The following ENTREP2 variants were observed in gnomAD, a reference collection of about 807,000 sequenced individuals.
ENTREP2 encodes endosomal transmembrane epsin interactor 2.
chr15:29,234,184 A>G, the ENTREP2 span: 3 of 1,603,050 alleles, frequency 1.9e-6, no homozygotes, highest in Non-Finnish European at 2.6e-6. Flanking sequence ...TGGGTCCAGT[A>G]TCTGACCAAT....
chr15:29,450,445 A>G, the ENTREP2 span, among the ~76,000 whole-genome samples: 2 of 152,150 alleles, frequency 1.3e-5, no homozygotes, highest in Non-Finnish European at 2.9e-5. Flanking sequence ...TCTTCTGCCT[A>G]TGGTTAGCCA....
At chr15:29,373,272 A>G in the ENTREP2 span, among the ~76,000 whole-genome samples, 1 of 152,160 alleles carries the variant, frequency 6.6e-6, no homozygotes, top group Non-Finnish European at 1.5e-5. Flanking sequence ...ACTAGAAGGT[A>G]AGAAAATGAC....
chr15:29,452,325 C>A, the ENTREP2 span, among the ~76,000 whole-genome samples: 1 of 152,136 alleles, frequency 6.6e-6, no homozygotes, highest in African/African-American at 2.4e-5. Flanking sequence ...CCTGAGAGAG[C>A]AGGGATTTGG....
chr15:29,630,797 C>T, the ENTREP2 span, among the ~76,000 whole-genome samples: 11 of 152,194 alleles, frequency 7.2e-5, no homozygotes, highest in African/African-American at 2.7e-4. Context: ...AAGTGATTCT[C>T]CTGCCTCAGC....
the ENTREP2 span, among the ~76,000 whole-genome samples, chr15:29,377,865 A>AATAATAATAATAAT: frequency 4.0e-3 from 220 of 55,596 alleles, no homozygotes; most frequent in Middle Eastern, 0.014. Flanking sequence ...ATAATAATAA[A>AATAATAATAATAAT]AAAATGAGCC....
chr15:29,130,571 A>G, the ENTREP2 span, among the ~76,000 whole-genome samples: 1 of 152,188 alleles, frequency 6.6e-6, no homozygotes, highest in Non-Finnish European at 1.5e-5. Context: ...AAATAAAACA[A>G]GAGAAAGAAA....
the ENTREP2 span, among the ~76,000 whole-genome samples, chr15:29,199,174 T>G: frequency 6.6e-6 from 1 of 152,204 alleles, no homozygotes; most frequent in Non-Finnish European, 1.5e-5. Flanking sequence ...CAAAGCCACT[T>G]TCCAAAGTGG....
chr15:29,565,238 C>T, the ENTREP2 span, among the ~76,000 whole-genome samples: 1 of 152,278 alleles, frequency 6.6e-6, no homozygotes, highest in South Asian at 2.1e-4. Context: ...GCTAATATCC[C>T]ACGCTGCAAG....
chr15:29,588,538 GAAAGAA>G, the ENTREP2 span, among the ~76,000 whole-genome samples: 2 of 41,250 alleles, frequency 4.8e-5, no homozygotes, highest in Non-Finnish European at 9.1e-5. Context: ...GGAAGGAAGA[GAAAGAA>G]AGAGAGAGAG....
chr15:29,370,136 A>G, the ENTREP2 span, among the ~76,000 whole-genome samples: 4 of 152,236 alleles, frequency 2.6e-5, no homozygotes, highest in Non-Finnish European at 5.9e-5. Context: ...TGGGAGACAT[A>G]ATAATTCCTC....
At chr15:29,311,492 C>T in the ENTREP2 span, among the ~76,000 whole-genome samples, 1 of 152,154 alleles carries the variant, frequency 6.6e-6, no homozygotes, top group Non-Finnish European at 1.5e-5. Flanking sequence ...GAGTTCCAGC[C>T]CAGCCTGGCC....
the ENTREP2 span, chr15:29,268,530 A>G: frequency 2.4e-6 from 1 of 423,694 alleles, no homozygotes. Context: ...AAGTTTTCCA[A>G]TTCGTTTTAC....
chr15:29,639,768 C>CTTTTTTTTTTTTTT, the ENTREP2 span, among the ~76,000 whole-genome samples: 2 of 127,304 alleles, frequency 1.6e-5, no homozygotes, highest in African/African-American at 6.1e-5. Context: ...TTTTTGTTTG[C>CTTTTTTTTTTTTTT]TTTTTTTTTT....
chr15:29,319,752 G>A, the ENTREP2 span, among the ~76,000 whole-genome samples: 2,736 of 152,250 alleles, frequency 0.018, 78 homozygotes, highest in African/African-American at 0.063. Flanking sequence ...ACAGGGTCCC[G>A]GCTGAGATCT....
At chr15:29,392,992 A>G in the ENTREP2 span, among the ~76,000 whole-genome samples, 1 of 152,254 alleles carries the variant, frequency 6.6e-6, no homozygotes, top group East Asian at 1.9e-4. Context: ...ATATCTCAAT[A>G]TCTAGAAATT....
the ENTREP2 span, among the ~76,000 whole-genome samples, chr15:29,225,252 C>T: frequency 1.3e-5 from 2 of 152,242 alleles, no homozygotes; most frequent in South Asian, 2.1e-4. Context: ...GCACCAAGGC[C>T]GAGGAGGCGC....
the ENTREP2 span, among the ~76,000 whole-genome samples, chr15:29,429,892 C>T: frequency 3.9e-5 from 6 of 152,196 alleles, no homozygotes; most frequent in African/African-American, 7.2e-5. Context: ...GCACTCCTAG[C>T]GAGCCAGGTG....
the ENTREP2 span, among the ~76,000 whole-genome samples, chr15:29,196,141 T>A: frequency 6.6e-6 from 1 of 152,194 alleles, no homozygotes; most frequent in East Asian, 1.9e-4. Context: ...CGTAGAATGA[T>A]CCCATCATCA....
At chr15:29,186,773 A>AGTT in the ENTREP2 span, among the ~76,000 whole-genome samples, 1 of 152,158 alleles carries the variant, frequency 6.6e-6, no homozygotes, top group African/African-American at 2.4e-5. Flanking sequence ...CTGAGTTGAA[A>AGTT]GTTGTTCTTT....
Sources: allele counts gnomAD v4.1 joint callset (sites outside exome capture counted in the v4.1 genomes callset), GRCh38; gene constraint gnomAD v4.1.1; transcripts MANE v1.5; gene names NCBI Gene and HGNC (gene_info 2026-07-23, HGNC 2026-07-21).